ADGRF4: variants seen among roughly 807,000 people sequenced by gnomAD.
ADGRF4 encodes adhesion G protein-coupled receptor F4.
A neutral mutation model predicts 58.5 loss-of-function variants in ADGRF4; 63 were observed. The ratio of observed to expected loss-of-function variants is 1.08; its 90% CI spans 0.88 to 1.33. The LOEUF is 1.33. ADGRF4 is among the 40% of genes most tolerant of loss of function. The pLI is 0.00. For synonymous variants in ADGRF4, 313 were observed against 295.4 expected, an observed-to-expected ratio of 1.06 and a Z score of -0.61; for missense variants, 931 against 843.9, an observed-to-expected ratio of 1.10 and a Z score of -1.28.
At position 47,708,702 on chromosome 6, in the gene ADGRF4, T is replaced by C. The variant is rs1183623792; in HGVS notation, c.148+424T>C. On this transcript the variant is annotated intron_variant, in intron 3 of 9. Coordinates refer to ENST00000283303, the MANE Select transcript of ADGRF4 (RefSeq NM_153838.5). ...AAGATGGACATCATGGTGATGAGACTGGTCACTCTCAAGAAGTGAGAAGTA... is the reference window on the plus strand; with the variant it reads ...AAGATGGACATCATGGTGATGAGACCGGTCACTCTCAAGAAGTGAGAAGTA... 9.2e-5 allele frequency among the ~76,000 whole-genome samples: 14 copies of C among 152,226 alleles called. No homozygotes were observed. In the East Asian group the frequency reaches 2.3e-3, roughly 25 times the overall value.
chr6:47,699,381 G>A (rs1561862798), intron 1 of ADGRF4, among the ~76,000 whole-genome samples: 3 of 152,198 alleles, frequency 2.0e-5, no homozygotes, highest in African/African-American at 4.8e-5. Flanking sequence ...TTATTTGTTT[G>A]TTTGTTTGTT....
intron 9 of ADGRF4, among the ~76,000 whole-genome samples, chr6:47,719,194 C>G (rs563348571): frequency 2.3e-4 from 35 of 152,264 alleles, no homozygotes; most frequent in African/African-American, 8.2e-4. Context: ...GGGGCTGAGT[C>G]TCATGGAACC....
chr6:47,718,313 T>C, intron 8 of ADGRF4, 76 bp from the exon 9 acceptor site: 1 of 821,808 alleles, frequency 1.2e-6, no homozygotes, highest in South Asian at 1.3e-5. Context: ...TTTTCACATA[T>C]TTATCTCTAG....
intron 2 of ADGRF4, 65 bp from the exon 3 acceptor site, chr6:47,708,159 C>G (rs1249445873): frequency 8.1e-7 from 1 of 1,233,608 alleles, no homozygotes; most frequent in Non-Finnish European, 1.2e-6. Flanking sequence ...TATGGAGCCT[C>G]TAAGCTGAGA....
intron 6 of ADGRF4, 61 bp from the exon 7 acceptor site, chr6:47,716,745 A>G: frequency 7.8e-7 from 1 of 1,276,546 alleles, no homozygotes; most frequent in Non-Finnish European, 1.1e-6. Context: ...CGGTATGAAA[A>G]TAACAGCAGG....
chr6:47,720,595 T>C (rs1456493787), intron 9 of ADGRF4, among the ~76,000 whole-genome samples: 2 of 152,100 alleles, frequency 1.3e-5, no homozygotes, highest in South Asian at 4.1e-4. Flanking sequence ...GTATAGATTC[T>C]CATTGGGAAC....
At chr6:47,706,106 T>C (rs919899046) in intron 1 of ADGRF4, among the ~76,000 whole-genome samples, 1 of 152,210 alleles carries the variant, frequency 6.6e-6, no homozygotes, top group African/African-American at 2.4e-5. Flanking sequence ...GATTCTAAAA[T>C]CAAAGATCTT....
chr6:47,705,079 C>T (rs141349970), intron 1 of ADGRF4, among the ~76,000 whole-genome samples: 1,998 of 152,266 alleles, frequency 0.013, 21 homozygotes, highest in Admixed American at 0.019. Context: ...CAGACGCCTG[C>T]CACCACACTT....
chr6:47,720,545 G>C (rs977226256), intron 9 of ADGRF4, among the ~76,000 whole-genome samples: 21 of 152,180 alleles, frequency 1.4e-4, no homozygotes, highest in Non-Finnish European at 2.1e-4. Flanking sequence ...GTCAGGGAAG[G>C]AGGACTGCAG....
chr6:47,708,873 A>G (rs1252923684), intron 3 of ADGRF4, among the ~76,000 whole-genome samples: 1 of 152,244 alleles, frequency 6.6e-6, no homozygotes, highest in African/African-American at 2.4e-5. Context: ...AAAAGCAGAG[A>G]GAAAGGTAAC....
intron 8 of ADGRF4, among the ~76,000 whole-genome samples, chr6:47,717,990 C>T (rs1277914427): frequency 3.3e-5 from 5 of 152,096 alleles, no homozygotes; most frequent in Admixed American, 3.3e-4. Context: ...CATTAGGAGC[C>T]CCTTCCTTAA....
At chr6:47,707,137 T>G in intron 1 of ADGRF4, 93 bp from the exon 2 acceptor site, 1 of 751,552 alleles carries the variant, frequency 1.3e-6, no homozygotes, top group East Asian at 2.5e-5. Flanking sequence ...GAGTATCTAG[T>G]GGGTTCACTA....
At chr6:47,702,606 T>C (rs187334635) in intron 1 of ADGRF4, among the ~76,000 whole-genome samples, 100 of 152,374 alleles carry the variant, frequency 6.6e-4, no homozygotes, top group Admixed American at 1.9e-3. Context: ...TGTTCCAGCA[T>C]TATTCTGTCA....
Position 47,713,795 on chromosome 6 carries a change from C to A in ADGRF4, c.553-3C>A. ...GTATAATGTTCACCTTTCTCCATTG[C>A]AGAGCTATAGTGAAGTGGCCAACCA... On this transcript the variant is annotated splice_polypyrimidine_tract_variant and splice_region_variant and intron_variant, in intron 5 of 9. Coordinates refer to ENST00000283303, the MANE Select transcript of ADGRF4 (RefSeq NM_153838.5). The A allele has an allele frequency of 6.6e-7, 1 of 1,522,642 alleles. No individual in the cohort carries two copies. The highest frequency in any genetic ancestry group is 1.3e-5 in the South Asian group (1 of 75,034). 94.3% of individuals were successfully genotyped at this position (1,522,642 alleles called of 1,614,324 possible). A position where few individuals can be genotyped will look rare whatever the true frequency, so the allele number is the denominator to read the frequency against.
At chr6:47,711,464 T>C (rs542548317) in intron 4 of ADGRF4, among the ~76,000 whole-genome samples, 127 of 152,312 alleles carry the variant, frequency 8.3e-4, no homozygotes, top group Admixed American at 1.9e-3. Flanking sequence ...GGTTTCACCA[T>C]ATTGGCCAGG....
chr6:47,715,960 C>T (rs1413178031), intron 6 of ADGRF4, among the ~76,000 whole-genome samples: 1 of 148,736 alleles, frequency 6.7e-6, no homozygotes, highest in Non-Finnish European at 1.5e-5. Context: ...CATTGCTTTA[C>T]AGTGAAATCT....
intron 3 of ADGRF4, among the ~76,000 whole-genome samples, chr6:47,710,350 T>C (rs956038570): frequency 8.5e-5 from 13 of 152,236 alleles, no homozygotes; most frequent in African/African-American, 3.1e-4. Flanking sequence ...ACTCCTGCTC[T>C]ATCTTATCAT....
chr6:47,702,857 C>T (rs1771620205), intron 1 of ADGRF4, among the ~76,000 whole-genome samples: 1 of 152,210 alleles, frequency 6.6e-6, no homozygotes, highest in African/African-American at 2.4e-5. Flanking sequence ...GGATTCTCCA[C>T]ATAGGATAGG....
intron 6 of ADGRF4, among the ~76,000 whole-genome samples, chr6:47,715,999 T>TAAA (rs1554135348): frequency 3.3e-5 from 5 of 150,440 alleles, no homozygotes; most frequent in Non-Finnish European, 5.9e-5. Flanking sequence ...TTTTTTTTTT[T>TAAA]ATCAAAGACT....
Sources: gnomAD v4.1 joint callset for allele counts (sites outside exome capture counted in the v4.1 genomes callset) on GRCh38, gnomAD v4.1.1 for gene constraint, MANE v1.5 for transcripts, NCBI Gene and HGNC (gene_info 2026-07-23, HGNC 2026-07-21) for gene names.